RBMS2: variants seen among roughly 807,000 people sequenced by gnomAD.
RBMS2 encodes RNA binding motif single stranded interacting protein 2, also known as RNA-binding motif, single-stranded-interacting protein 2.
RBMS2 carries 38 observed loss-of-function variants against 58.4 expected under a neutral mutation model. That is an observed-to-expected ratio of 0.65 (90% CI 0.50 to 0.85). The LOEUF (loss-of-function observed/expected upper bound fraction) is 0.85, where lower values mean the gene tolerates loss of function less well. RBMS2 is among the 40% of genes least tolerant of loss of function. The probability of loss-of-function intolerance (pLI) is 0.00; values close to 1 mark genes in which losing one functional copy is unlikely to be tolerated. For synonymous variants in RBMS2, 151 were observed against 180.7 expected, an observed-to-expected ratio of 0.84 and a Z score of 1.32; for missense variants, 367 against 503.7, an observed-to-expected ratio of 0.73 and a Z score of 2.60.
chr12:56,545,521 GA>G (rs1324755848), intron 1 of RBMS2, among the ~76,000 whole-genome samples: 1 of 152,074 alleles, frequency 6.6e-6, no homozygotes, highest in Non-Finnish European at 1.5e-5. Context: ...ATCAATTTTA[GA>G]ACATTTTATT....
intron 1 of RBMS2, among the ~76,000 whole-genome samples, chr12:56,561,764 CCCCT>C (rs1298440911): frequency 5.1e-5 from 2 of 39,038 alleles, no homozygotes; most frequent in East Asian, 1.7e-3. Flanking sequence ...ATCCACCCCC[CCCCT>C]CCTTGGCCTC....
At chr12:56,529,343 A>G (rs1395811401) in intron 1 of RBMS2, among the ~76,000 whole-genome samples, 1 of 152,164 alleles carries the variant, frequency 6.6e-6, no homozygotes, top group Admixed American at 6.5e-5. Flanking sequence ...GCTGGAGCCC[A>G]GGAGCTCTAG....
Position 56,594,603 on chromosome 12 carries a change from T to C in RBMS2, c.*5470T>C, listed in dbSNP as rs1474045988. ...ATTTCCTCATTTGGTAGGCCTTCCA[T>C]AGGAGTCAGCTATGGACTTCCATAG... On this transcript the variant is annotated 3_prime_UTR_variant, in exon 14 of 14. Coordinates refer to ENST00000262031, the MANE Select transcript of RBMS2 (RefSeq NM_002898.4). 2 of 152,156 alleles carry C rather than the reference T, an allele frequency of 1.3e-5. No individual in the cohort carries two copies. Among genetic ancestry groups the C allele is most frequent in the East Asian group, 1.9e-4 (1 of 5,192 alleles). The allele number at this position is 152,156 out of a possible 1,614,324, so 9.4% of individuals were successfully genotyped here.
chr12:56,536,943 C>T (rs1299987294), intron 1 of RBMS2, among the ~76,000 whole-genome samples: 17 of 131,176 alleles, frequency 1.3e-4, no homozygotes, highest in Admixed American at 2.4e-4. Flanking sequence ...TTTTTTGAGA[C>T]GGAGTCTTGC....
At chr12:56,522,611 C>T (rs975422779) in intron 1 of RBMS2, among the ~76,000 whole-genome samples, 1 of 152,166 alleles carries the variant, frequency 6.6e-6, no homozygotes, top group Non-Finnish European at 1.5e-5. Flanking sequence ...GATCCTACCC[C>T]ACCCAGCCTA....
intron 1 of RBMS2, among the ~76,000 whole-genome samples, chr12:56,532,503 T>C (rs1465558877): frequency 6.6e-6 from 1 of 151,600 alleles, no homozygotes; most frequent in Non-Finnish European, 1.5e-5. Context: ...GATTGTGCCA[T>C]TGCACTCCAG....
At chr12:56,526,491 T>G (rs1872657217) in intron 1 of RBMS2, among the ~76,000 whole-genome samples, 1 of 151,988 alleles carries the variant, frequency 6.6e-6, no homozygotes, top group Non-Finnish European at 1.5e-5. Context: ...GTATAATGCC[T>G]AATAAAGGCG....
Position 56,595,538 on chromosome 12 carries a change from T to TCTACCA in RBMS2, c.*6405_*6406insCTACCA, listed in dbSNP as rs1885692437. On this transcript the variant is annotated 3_prime_UTR_variant, in exon 14 of 14. Coordinates refer to ENST00000262031, the MANE Select transcript of RBMS2 (RefSeq NM_002898.4). ...CTTTTCCTTGTCCTTCCCTACAACTTGGTAGAGGTCCATTTTGTCTTACTT... is the reference window on the plus strand; with the variant it reads ...CTTTTCCTTGTCCTTCCCTACAACTTCTACCAGGTAGAGGTCCATTTTGTCTTACTT... The TCTACCA allele has an allele frequency of 1.3e-5, 2 of 152,114 alleles. No individual in the cohort carries two copies. The highest frequency in any genetic ancestry group is 4.8e-5 in the African/African-American group (2 of 41,428). 9.4% of individuals were successfully genotyped at this position (152,114 alleles called of 1,614,324 possible). A position where few individuals can be genotyped will look rare whatever the true frequency, so the allele number is the denominator to read the frequency against.
chr12:56,536,734 A>AT (rs1874946505), intron 1 of RBMS2, among the ~76,000 whole-genome samples: 2 of 151,006 alleles, frequency 1.3e-5, no homozygotes, highest in African/African-American at 4.9e-5. Flanking sequence ...TGCCTGGCTA[A>AT]TTTTTTGTAT....
intron 1 of RBMS2, among the ~76,000 whole-genome samples, chr12:56,527,312 G>C (rs1259532801): frequency 6.6e-6 from 1 of 152,144 alleles, no homozygotes; most frequent in Non-Finnish European, 1.5e-5. Flanking sequence ...TAACTCAAAT[G>C]GTTAAAGTTT....
intron 1 of RBMS2, chr12:56,539,760 C>T (rs1875737299): frequency 2.3e-6 from 1 of 441,132 alleles, no homozygotes; most frequent in East Asian, 7.3e-5. Context: ...ACCTCTGCCT[C>T]CCAGGTTCAA....
intron 1 of RBMS2, among the ~76,000 whole-genome samples, chr12:56,546,962 ATC>A (rs1177822190): frequency 6.6e-6 from 1 of 152,146 alleles, no homozygotes; most frequent in Non-Finnish European, 1.5e-5. Context: ...ACCAGAACTT[ATC>A]TGTCTTTTTT....
chr12:56,596,093 T>C lies in RBMS2; in HGVS notation c.*6960T>C, dbSNP rs920555497. ...TTGGTCCTAAAAATATAGAAAGAAA[T>C]AAATTTAAATTCACAAAAAACTGTA... On this transcript the variant is annotated 3_prime_UTR_variant, in exon 14 of 14. Transcript: ENST00000262031. 1 of 152,638 alleles carries C rather than the reference T, an allele frequency of 6.6e-6. No homozygotes were observed. The highest frequency in any genetic ancestry group is 1.5e-5 in the Non-Finnish European group (1 of 68,032). 9.5% of individuals were successfully genotyped at this position (152,638 alleles called of 1,614,324 possible).
intron 1 of RBMS2, among the ~76,000 whole-genome samples, chr12:56,551,068 T>C (rs931195856): frequency 6.9e-6 from 1 of 145,262 alleles, no homozygotes; most frequent in African/African-American, 2.6e-5. Flanking sequence ...CAGTGAGCTA[T>C]GATCGCGCAC....
chr12:56,525,152 G>A (rs1872433109), intron 1 of RBMS2, among the ~76,000 whole-genome samples: 1 of 151,954 alleles, frequency 6.6e-6, no homozygotes, highest in Non-Finnish European at 1.5e-5. Context: ...TTTCTGTTTT[G>A]GAAAGGGTTG....
chr12:56,521,502 G>GTTTTTTTTTTTTTTTTTTTTTTTTTTT (rs68129205), upstream of RBMS2, among the ~76,000 whole-genome samples: 7 of 73,152 alleles, frequency 9.6e-5, 2 homozygotes, highest in African/African-American at 3.3e-4. Flanking sequence ...CTCTAACTCT[G>GTTTTTTTTTTTTTTTTTTTTTTTTTTT]TTTTTTTTTT....
At chr12:56,566,207 C>T (rs1212030732) in intron 2 of RBMS2, among the ~76,000 whole-genome samples, 1 of 152,126 alleles carries the variant, frequency 6.6e-6, no homozygotes, top group Non-Finnish European at 1.5e-5. Context: ...CAGTGAGATG[C>T]CGCCAAGGAG....
intron 5 of RBMS2, among the ~76,000 whole-genome samples, chr12:56,574,808 G>T (rs960175574): frequency 6.6e-6 from 1 of 152,134 alleles, no homozygotes; most frequent in African/African-American, 2.4e-5. Context: ...ATTCAAATGA[G>T]ATCTAAATAT....
At chr12:56,548,092 C>T (rs987822551) in intron 1 of RBMS2, among the ~76,000 whole-genome samples, 1 of 152,128 alleles carries the variant, frequency 6.6e-6, no homozygotes, top group African/African-American at 2.4e-5. Flanking sequence ...GTCACTCATA[C>T]ACCATTCATC....
Sources: gnomAD v4.1 joint callset for allele counts (sites outside exome capture counted in the v4.1 genomes callset) on GRCh38, gnomAD v4.1.1 for gene constraint, MANE v1.5 for transcripts, NCBI Gene and HGNC (gene_info 2026-07-23, HGNC 2026-07-21) for gene names.